ALLC: variants seen among roughly 807,000 people sequenced by gnomAD.
ALLC encodes the protein allantoicase.
ALLC carries 40 observed loss-of-function variants against 45.0 expected under a neutral mutation model. The observed-to-expected ratio is 0.89, with a 90% CI of 0.69 to 1.16. ALLC has a LOEUF of 1.16. Among genes scored for constraint, ALLC ranks in the 50% most tolerant of loss-of-function variants. The pLI is 0.00. For synonymous variants in ALLC, 176 were observed against 178.1 expected, an observed-to-expected ratio of 0.99 and a Z score of 0.09; for missense variants, 488 against 493.1, an observed-to-expected ratio of 0.99 and a Z score of 0.10.
intron 3 of ALLC, among the ~76,000 whole-genome samples, chr2:3,677,408 T>C (rs1005477781): frequency 4.6e-5 from 7 of 152,058 alleles, no homozygotes; most frequent in Non-Finnish European, 1.0e-4. Context: ...AAGGCTGGAG[T>C]GTGTGCTGTC....
intron 2 of ALLC, among the ~76,000 whole-genome samples, chr2:3,672,669 G>C (rs891676698): frequency 5.2e-5 from 7 of 135,382 alleles, no homozygotes; most frequent in South Asian, 2.4e-4. Context: ...CTGGTTAGAT[G>C]GGAGGTCCTC....
the ALLC span, among the ~76,000 whole-genome samples, chr2:3,648,755 G>A: frequency 6.6e-6 from 1 of 152,158 alleles, no homozygotes; most frequent in Non-Finnish European, 1.5e-5. Context: ...GTGGGCAGAC[G>A]GCCGCCTCTT....
the ALLC span, among the ~76,000 whole-genome samples, chr2:3,649,612 A>G: frequency 2.6e-5 from 4 of 152,286 alleles, no homozygotes; most frequent in African/African-American, 7.2e-5. Context: ...ATTAATAGAA[A>G]TAAGATCCAT....
intron 1 of ALLC, among the ~76,000 whole-genome samples, chr2:3,661,513 T>C (rs1272856023): frequency 1.3e-5 from 2 of 152,168 alleles, no homozygotes; most frequent in African/African-American, 4.8e-5. Flanking sequence ...GGGAAAAGAA[T>C]GAGTATTCCC....
chr2:3,665,511 C>T (rs555707127), intron 1 of ALLC, among the ~76,000 whole-genome samples: 134 of 152,246 alleles, frequency 8.8e-4, no homozygotes, highest in African/African-American at 3.2e-3. Context: ...CCCCTTCCTG[C>T]GTCCGTGTGT....
chr2:3,696,003 C>T, intron 8 of ALLC, 131 bp downstream of exon 8: 1 of 1,036,994 alleles, frequency 9.6e-7, no homozygotes, highest in Admixed American at 3.0e-5. Context: ...ATTAATCTTC[C>T]ATGTGTAGGA....
At chr2:3,666,749 G>A (rs1427217479) in intron 1 of ALLC, among the ~76,000 whole-genome samples, 2 of 152,170 alleles carry the variant, frequency 1.3e-5, no homozygotes, top group Non-Finnish European at 2.9e-5. Flanking sequence ...TCTGTGTGGC[G>A]GTTTAGCACC....
chr2:3,651,301 TGGGTGGGTGGGTGGGGGGG>T, the ALLC span, among the ~76,000 whole-genome samples: 1 of 7,774 alleles, frequency 1.3e-4, no homozygotes, highest in Non-Finnish European at 2.8e-4. Flanking sequence ...TCTTTTTGGG[TGGGTGGGTGGGTGGGGGGG>T]GTGTGTGTGT....
chr2:3,695,619 C>T, intron 7 of ALLC, 98 bp from the exon 8 acceptor site: 1 of 1,434,498 alleles, frequency 7.0e-7, no homozygotes, highest in Non-Finnish European at 9.7e-7. Flanking sequence ...CCAAAGCCTA[C>T]CAAGAGATGA....
upstream of ALLC, among the ~76,000 whole-genome samples, chr2:3,657,148 C>G (rs566644039): frequency 3.9e-5 from 6 of 152,184 alleles, no homozygotes; most frequent in African/African-American, 1.4e-4. Context: ...TAAACATGGA[C>G]TCAAAGGCCG....
intron 10 of ALLC, among the ~76,000 whole-genome samples, chr2:3,698,648 A>G (rs1213182171): frequency 6.6e-6 from 1 of 152,254 alleles, no homozygotes; most frequent in Admixed American, 6.5e-5. Context: ...ACACTTCTAC[A>G]ATTGTTATGT....
rs569236811 is a variant in ALLC, at chr2:3,691,950, T to A, written c.512-3767T>A. On this transcript the variant is annotated intron_variant, in intron 7 of 11. Coordinates refer to ENST00000252505, the MANE Select transcript of ALLC (RefSeq NM_018436.4). Reference sequence around the variant, plus strand: ...CGTTTTTCCATTCAAAGTTTTCTGTTTGATTTTAAAAAATTATTGAAATTT... The same window carrying A: ...CGTTTTTCCATTCAAAGTTTTCTGTATGATTTTAAAAAATTATTGAAATTT... 1.5e-4 allele frequency among the ~76,000 whole-genome samples: 23 copies of A among 152,356 alleles called. No individual in the cohort carries two copies. In the East Asian group the frequency reaches 4.2e-3, roughly 28 times the overall value.
At chr2:3,663,140 T>A (rs1666615979) in intron 1 of ALLC, among the ~76,000 whole-genome samples, 1 of 152,224 alleles carries the variant, frequency 6.6e-6, no homozygotes, top group Admixed American at 6.5e-5. Context: ...TTCACTGCAG[T>A]ACTATCCATG....
the ALLC span, among the ~76,000 whole-genome samples, chr2:3,651,312 G>T: frequency 3.8e-4 from 2 of 5,308 alleles, no homozygotes; most frequent in East Asian, 0.016. Flanking sequence ...GGGTGGGTGG[G>T]TGGGGGGGGT....
the ALLC span, among the ~76,000 whole-genome samples, chr2:3,647,379 C>A: frequency 6.6e-6 from 1 of 152,056 alleles, no homozygotes; most frequent in Non-Finnish European, 1.5e-5. Flanking sequence ...CATTCTTTCT[C>A]ACCTTCTTCA....
intron 1 of ALLC, among the ~76,000 whole-genome samples, chr2:3,663,419 C>CG (rs974730856): frequency 3.3e-5 from 5 of 152,032 alleles, no homozygotes; most frequent in African/African-American, 1.2e-4. Flanking sequence ...TGGGGCCTGT[C>CG]GGAAGTCGGG....
In ALLC at chr2:3,664,502, G is replaced by A. The variant is rs116691783; in HGVS notation, c.-63+6208G>A. On this transcript the variant is annotated intron_variant, in intron 1 of 11. Coordinates refer to ENST00000252505, the MANE Select transcript of ALLC (RefSeq NM_018436.4). ...GAGAAGCTTGCAGGCATGGGGGTCAGTGAGTGGACATCGATTTGTGGGAAG... is the reference window on the plus strand; with the variant it reads ...GAGAAGCTTGCAGGCATGGGGGTCAATGAGTGGACATCGATTTGTGGGAAG... Among the ~76,000 whole-genome samples the A allele has an allele frequency of 4.4e-3, 663 of 152,308 alleles. 3 individuals are homozygous for A. The highest frequency in any genetic ancestry group is 0.015 in the African/African-American group (633 of 41,564).
intron 7 of ALLC, among the ~76,000 whole-genome samples, chr2:3,690,433 CCCCCTCCCCT>C (rs1206788981): frequency 1.9e-3 from 16 of 8,300 alleles, no homozygotes; most frequent in South Asian, 0.011. Context: ...CTTCCCCTCC[CCCCCTCCCCT>C]CCCCTCCCCT....
At chr2:3,695,544 A>T (rs1667641109) in intron 7 of ALLC, 173 bp from the exon 8 acceptor site, 5 of 645,640 alleles carry the variant, frequency 7.7e-6, no homozygotes, top group Non-Finnish European at 1.3e-5. Context: ...GTACAGGGTA[A>T]TATCAAGTGC....
Sources: gnomAD v4.1 joint callset for allele counts (sites outside exome capture counted in the v4.1 genomes callset) on GRCh38, gnomAD v4.1.1 for gene constraint, MANE v1.5 for transcripts, NCBI Gene and HGNC (gene_info 2026-07-23, HGNC 2026-07-21) for gene names.